CRHBP: variants seen among roughly 807,000 people sequenced by gnomAD.
CRHBP encodes corticotropin-releasing hormone-binding protein.
In CRHBP, 19 loss-of-function variants were observed where a neutral mutation model predicts 34.9. The observed-to-expected ratio is 0.55, with a 90% confidence interval of 0.38 to 0.80. The LOEUF is 0.80. Among genes scored for constraint, CRHBP ranks in the 30% least tolerant of loss-of-function variants. The pLI is 0.00. For missense variants in CRHBP, 328 were observed against 409.2 expected (o/e 0.80, Z 1.71); for synonymous variants, 154 against 153.4 (o/e 1.00, Z -0.03).
chr5:76,960,833 C>T (rs1182084708), intron 5 of CRHBP, among the ~76,000 whole-genome samples: 1 of 151,624 alleles, frequency 6.6e-6, no homozygotes, highest in African/African-American at 2.4e-5. Flanking sequence ...CATGCAGTCT[C>T]GGCTCACTGC....
At chr5:76,959,492 T>G (rs1745743117) in intron 5 of CRHBP, among the ~76,000 whole-genome samples, 1 of 152,226 alleles carries the variant, frequency 6.6e-6, no homozygotes, top group South Asian at 2.1e-4. Context: ...ACCTTAAAAT[T>G]CATGCTGAGT....
Position 76,954,087 on chromosome 5 carries a change from G to C in CRHBP, c.234G>C (p.Gln78His). 6.2e-7 allele frequency: 1 copy of C among 1,614,000 alleles called. No homozygotes were observed. The highest frequency in any genetic ancestry group is 8.5e-7 in the Non-Finnish European group (1 of 1,179,946). ...TCACCTTCACCGCCGACCGGCCGCA[G>C]CTGCACTGCGCAGCCTTCTTCATCA... is the stretch of plus-strand genomic sequence containing the variant. ...GQFTFTADRP[Q>H]LHCAAFFISE... Residue 78 changes from glutamine (Q) to histidine (H), a missense_variant, in exon 3 of 7, where the codon CAG becomes CAC. Coordinates refer to ENST00000274368, the MANE Select transcript of CRHBP (RefSeq NM_001882.4).
downstream of CRHBP, among the ~76,000 whole-genome samples, chr5:76,969,786 C>T (rs148389113): frequency 4.1e-3 from 627 of 152,238 alleles, 7 homozygotes; most frequent in African/African-American, 0.014. Flanking sequence ...CTCATAGACA[C>T]AATTTGCAGA....
intron 2 of CRHBP, 57 bp downstream of exon 2, chr5:76,953,751 G>T: frequency 6.6e-7 from 1 of 1,514,908 alleles, no homozygotes. Flanking sequence ...GTGGGACTCT[G>T]TGCGGGGGGC....
intron 3 of CRHBP, among the ~76,000 whole-genome samples, chr5:76,977,909 T>C (rs149383572): frequency 6.6e-6 from 1 of 152,316 alleles, no homozygotes; most frequent in African/African-American, 2.4e-5. Flanking sequence ...GCTACTCCAG[T>C]GAATACACAA....
chr5:76,960,074 A>C (rs926640833), intron 5 of CRHBP, among the ~76,000 whole-genome samples: 2 of 152,246 alleles, frequency 1.3e-5, no homozygotes, highest in Non-Finnish European at 2.9e-5. Context: ...CCCTGCATTC[A>C]AGTGGGATGA....
intron 4 of CRHBP, among the ~76,000 whole-genome samples, chr5:76,956,371 A>G (rs1227866638): frequency 1.3e-5 from 2 of 152,192 alleles, no homozygotes; most frequent in South Asian, 2.1e-4. Flanking sequence ...CTCTAATTCA[A>G]TTCATTTATG....
chr5:76,960,400 C>T (rs1257573559), intron 5 of CRHBP, among the ~76,000 whole-genome samples: 2 of 152,080 alleles, frequency 1.3e-5, no homozygotes, highest in African/African-American at 4.8e-5. Flanking sequence ...TGGGCAGGGC[C>T]AGAGTGTGGT....
chr5:76,974,313 G>C (rs1000454365), downstream of CRHBP, among the ~76,000 whole-genome samples: 3 of 151,994 alleles, frequency 2.0e-5, no homozygotes, highest in Middle Eastern at 6.8e-3. Context: ...CACGGTGCCC[G>C]GCCAAATTTT....
chr5:76,967,337 G>T (rs979523419), intron 6 of CRHBP, among the ~76,000 whole-genome samples: 2 of 151,972 alleles, frequency 1.3e-5, no homozygotes, highest in African/African-American at 4.8e-5. Flanking sequence ...TAATTATAGG[G>T]CTTTTATTTA....
At chr5:76,975,845 T>TATATATACAC (rs1237085128) in intron 2 of CRHBP, among the ~76,000 whole-genome samples, 2 of 97,640 alleles carry the variant, frequency 2.0e-5, no homozygotes, top group African/African-American at 1.2e-4. Flanking sequence ...TATATATATA[T>TATATATACAC]ACACGCATAT....
At chr5:76,964,579 C>G (rs535549294) in intron 6 of CRHBP, among the ~76,000 whole-genome samples, 8 of 152,290 alleles carry the variant, frequency 5.3e-5, no homozygotes, top group Admixed American at 1.3e-4. Context: ...GTAGGCTAGG[C>G]GCGGTGTCTC....
At chr5:76,963,483 A>T (rs1428709886) in intron 6 of CRHBP, 23 bp downstream of exon 6, 3 of 1,569,916 alleles carry the variant, frequency 1.9e-6, no homozygotes, top group Non-Finnish European at 2.6e-6. Context: ...TTTGATTGTT[A>T]TGTATGTGCC....
At chr5:76,969,720 C>T (rs562500335), downstream of CRHBP, among the ~76,000 whole-genome samples, 3 of 152,268 alleles carry the variant, frequency 2.0e-5, no homozygotes, top group South Asian at 2.1e-4. Flanking sequence ...CCTCAGAATA[C>T]GTGTTTTTGT....
chr5:76,967,314 A>G (rs1297947057), intron 6 of CRHBP, among the ~76,000 whole-genome samples: 1 of 152,218 alleles, frequency 6.6e-6, no homozygotes, highest in African/African-American at 2.4e-5. Flanking sequence ...ACTACCTGGT[A>G]CTTATATTAA....
intron 2 of CRHBP, 109 bp downstream of exon 2, chr5:76,953,803 C>T: frequency 7.9e-7 from 1 of 1,265,758 alleles, no homozygotes; most frequent in Non-Finnish European, 1.1e-6. Context: ...TGGCCGGAAC[C>T]GCCAGGGGCG....
chr5:76,954,741 T>A (rs1745642058), intron 3 of CRHBP, among the ~76,000 whole-genome samples: 1 of 152,028 alleles, frequency 6.6e-6, no homozygotes, highest in Middle Eastern at 3.2e-3. Flanking sequence ...CGAGGGGGCA[T>A]CTAGATTGAG....
intron 6 of CRHBP, among the ~76,000 whole-genome samples, chr5:76,965,013 G>GT (rs1684093997): frequency 2.0e-5 from 3 of 150,364 alleles, no homozygotes; most frequent in African/African-American, 7.4e-5. Flanking sequence ...AAAGAATCAG[G>GT]TAAAAAAAAA....
chr5:76,975,825 A>AAAAAAAAAAAATATATATATATATAT, intron 2 of CRHBP, among the ~76,000 whole-genome samples: 4 of 61,816 alleles, frequency 6.5e-5, no homozygotes, highest in African/African-American at 9.1e-5. Flanking sequence ...AAAAAAAAAA[A>AAAAAAAAAAAATATATATATATATAT]ATATATATAT....
Sources: allele counts gnomAD v4.1 joint callset (sites outside exome capture counted in the v4.1 genomes callset), GRCh38; gene constraint gnomAD v4.1.1; transcripts MANE v1.5; gene names NCBI Gene and HGNC (gene_info 2026-07-23, HGNC 2026-07-21).